DOCK1: variants seen among roughly 807,000 people sequenced by gnomAD.
DOCK1 encodes the protein dedicator of cytokinesis 1, also known as dedicator of cytokinesis protein 1.
Under a neutral mutation model 262.7 loss-of-function variants are expected in DOCK1, and 138 were observed. The ratio of observed to expected loss-of-function variants is 0.53; its 90% CI spans 0.46 to 0.61. The LOEUF is 0.61. Ranked by LOEUF, DOCK1 falls within the 20% of genes least tolerant of loss-of-function variation. The pLI is 0.00. For synonymous variants in DOCK1, 866 were observed against 867.4 expected (o/e 1.00, Z 0.03); for missense variants, 1,908 against 2,370.7 (o/e 0.80, Z 4.05).
chr10:127,038,309 ACT>A (rs2043790423), intron 19 of DOCK1, among the ~76,000 whole-genome samples: 1 of 151,502 alleles, frequency 6.6e-6, no homozygotes, highest in South Asian at 2.1e-4. Context: ...GTTTGGGGGG[ACT>A]CTCTGGGTTA....
At chr10:127,223,238 TGAAA>T (rs943501010) in intron 27 of DOCK1, among the ~76,000 whole-genome samples, 3 of 152,208 alleles carry the variant, frequency 2.0e-5, no homozygotes, top group African/African-American at 7.2e-5. Context: ...GGTTTTTTTC[TGAAA>T]GAAAGTAGCT....
At chr10:127,313,352 G>A (rs1282459985) in intron 29 of DOCK1, among the ~76,000 whole-genome samples, 2 of 152,174 alleles carry the variant, frequency 1.3e-5, no homozygotes, top group Non-Finnish European at 2.9e-5. Flanking sequence ...ATGCAATGAC[G>A]GAATGGAAGA....
chr10:127,049,154 A>T (rs2044541632), intron 21 of DOCK1, among the ~76,000 whole-genome samples: 1 of 152,238 alleles, frequency 6.6e-6, no homozygotes, highest in South Asian at 2.1e-4. Flanking sequence ...ATATACACAT[A>T]ATTGAGAGGG....
chr10:127,400,847 A>G (rs796614216), intron 38 of DOCK1, among the ~76,000 whole-genome samples: 3 of 152,144 alleles, frequency 2.0e-5, no homozygotes, highest in African/African-American at 7.2e-5. Flanking sequence ...ACTTTGGGAG[A>G]CCTCTAGTTT....
chr10:127,343,824 C>A, intron 31 of DOCK1, 78 bp downstream of exon 31: 1 of 1,180,878 alleles, frequency 8.5e-7, no homozygotes, highest in East Asian at 2.6e-5. Context: ...CATTTCTAAG[C>A]CAACTTGATA....
At chr10:127,350,219 GA>G (rs1225021269) in intron 31 of DOCK1, among the ~76,000 whole-genome samples, 1 of 151,680 alleles carries the variant, frequency 6.6e-6, no homozygotes, top group African/African-American at 2.4e-5. Context: ...TTTTATGTCA[GA>G]AAAGTTTATG....
At chr10:127,290,692 G>T (rs1362978057) in intron 29 of DOCK1, among the ~76,000 whole-genome samples, 1 of 152,166 alleles carries the variant, frequency 6.6e-6, no homozygotes, top group African/African-American at 2.4e-5. Flanking sequence ...GTAACCTTTT[G>T]AGACTGGCTT....
At chr10:127,031,813 C>T in intron 17 of DOCK1, 60 bp downstream of exon 17, 4 of 1,481,206 alleles carry the variant, frequency 2.7e-6, no homozygotes, top group Non-Finnish European at 3.7e-6. Context: ...TTTCTGGGCT[C>T]CCTGACCTGG....
intron 12 of DOCK1, among the ~76,000 whole-genome samples, chr10:127,017,651 T>C (rs2042101784): frequency 6.6e-6 from 1 of 151,892 alleles, no homozygotes; most frequent in Non-Finnish European, 1.5e-5. Context: ...GTAGCAGAAA[T>C]GAGGACAGAG....
At chr10:126,972,019 C>T (rs527628388) in intron 2 of DOCK1, among the ~76,000 whole-genome samples, 3 of 151,920 alleles carry the variant, frequency 2.0e-5, no homozygotes, top group Admixed American at 6.6e-5. Flanking sequence ...CAGGTTCAAG[C>T]GATTCTCCTG....
intron 1 of DOCK1, among the ~76,000 whole-genome samples, chr10:126,937,478 C>A (rs939904839): frequency 6.6e-6 from 1 of 150,636 alleles, no homozygotes; most frequent in Non-Finnish European, 1.5e-5. Flanking sequence ...TTGAGTTTCT[C>A]CACACTTGTT....
At chr10:127,224,059 G>A (rs1293982464) in intron 27 of DOCK1, among the ~76,000 whole-genome samples, 1 of 152,148 alleles carries the variant, frequency 6.6e-6, no homozygotes, top group African/African-American at 2.4e-5. Context: ...AGAAGATACT[G>A]ATATTTTCTT....
intron 30 of DOCK1, 23 bp from the exon 31 acceptor site, chr10:127,343,623 A>C: frequency 6.3e-7 from 1 of 1,582,730 alleles, no homozygotes; most frequent in Non-Finnish European, 8.6e-7. Flanking sequence ...ACAACTTAGC[A>C]TCTCCTCCTT....
intron 30 of DOCK1, among the ~76,000 whole-genome samples, chr10:127,343,414 G>A (rs2135757895): frequency 6.6e-6 from 1 of 152,312 alleles, no homozygotes; most frequent in East Asian, 1.9e-4. Context: ...TAGAGTCTGA[G>A]TAAATGGCAG....
chr10:127,404,863 GCCAGCC>G (rs1234469378), intron 40 of DOCK1, among the ~76,000 whole-genome samples: 1 of 152,088 alleles, frequency 6.6e-6, no homozygotes, highest in Non-Finnish European at 1.5e-5. Flanking sequence ...TCTCCCTCCT[GCCAGCC>G]CCAGCAGCCA....
intron 29 of DOCK1, among the ~76,000 whole-genome samples, chr10:127,281,795 T>C (rs1353397896): frequency 6.6e-6 from 1 of 152,134 alleles, no homozygotes; most frequent in Non-Finnish European, 1.5e-5. Flanking sequence ...AGGGCAGTTA[T>C]CAATTCAGAT....
chr10:127,343,602 C>G, intron 30 of DOCK1, 44 bp from the exon 31 acceptor site: 1 of 1,426,460 alleles, frequency 7.0e-7, no homozygotes, highest in South Asian at 1.2e-5. Flanking sequence ...GATCCTATAT[C>G]AAGCTGTTCA....
intron 13 of DOCK1, among the ~76,000 whole-genome samples, chr10:127,021,228 C>T (rs1429747517): frequency 6.6e-6 from 1 of 152,138 alleles, no homozygotes; most frequent in South Asian, 2.1e-4. Flanking sequence ...TGCAGTAGCA[C>T]GATCTCAGCT....
At chr10:126,957,167 A>G (rs1565006555) in intron 1 of DOCK1, among the ~76,000 whole-genome samples, 1 of 152,152 alleles carries the variant, frequency 6.6e-6, no homozygotes, top group South Asian at 2.1e-4. Flanking sequence ...TTACTTTTTT[A>G]TCAAAGCTAA....
Sources: allele counts gnomAD v4.1 joint callset (sites outside exome capture counted in the v4.1 genomes callset), GRCh38; gene constraint gnomAD v4.1.1; transcripts MANE v1.5; gene names NCBI Gene and HGNC (gene_info 2026-07-23, HGNC 2026-07-21).